SH2B2: variants seen among roughly 807,000 people sequenced by gnomAD.
SH2B2 encodes the protein SH2B adapter protein 2.
A neutral mutation model predicts 35.7 loss-of-function variants in SH2B2; 37 were observed. The ratio of observed to expected loss-of-function variants is 1.04; its 90% confidence interval spans 0.80 to 1.36. The LOEUF (loss-of-function observed/expected upper bound fraction) is 1.36, where lower values mean the gene tolerates loss of function less well. Among genes scored for constraint, SH2B2 ranks in the 40% most tolerant of loss-of-function variants. The pLI is 0.00. For missense variants in SH2B2, 852 were observed against 817.7 expected, an observed-to-expected ratio of 1.04 and a Z score of -0.51; for synonymous variants, 383 against 376.4, an observed-to-expected ratio of 1.02 and a Z score of -0.20.
Position 102,321,486 on chromosome 7 carries a change from C to A in SH2B2, c.1755C>A (p.Pro585=). ...CGTCGGGGCCCGCCCCCCCGCGCCC[C>A]GTCGAGGGCCAGCTCAGCGCGCGGA... The part of the protein sequence containing the change: ...SAASGPAPPR[P]VEGQLSARSR... Residue 585 remains proline, a synonymous_variant, in exon 9 of 9, where the codon CCC becomes CCA. Transcript: ENST00000444095. 3 of 1,174,864 alleles carry A rather than the reference C, an allele frequency of 2.6e-6. No homozygotes were observed. The highest frequency in any genetic ancestry group is 3.4e-5 in the South Asian group (1 of 29,498). 72.8% of individuals were successfully genotyped at this position (1,174,864 alleles called of 1,614,324 possible).
At chr7:102,313,153 A>C in intron 4 of SH2B2, among the ~76,000 whole-genome samples, 1 of 137,042 alleles carries the variant, frequency 7.3e-6, no homozygotes, top group Non-Finnish European at 1.6e-5. Flanking sequence ...AAAAAAAAAG[A>C]CGTGTTCTTG....
At chr7:102,319,878 G>A (rs782547005) in intron 7 of SH2B2, among the ~76,000 whole-genome samples, 13 of 151,676 alleles carry the variant, frequency 8.6e-5, no homozygotes, top group South Asian at 2.1e-4. Context: ...CCATGCCTCC[G>A]GGTTTTGGCT....
chr7:102,312,653 T>G (rs1793670480), intron 4 of SH2B2, among the ~76,000 whole-genome samples: 1 of 152,194 alleles, frequency 6.6e-6, no homozygotes, highest in African/African-American at 2.4e-5. Context: ...TTTTCTTTCT[T>G]TCTTGCTTTC....
intron 1 of SH2B2, among the ~76,000 whole-genome samples, chr7:102,300,129 T>C (rs1586576833): frequency 6.6e-6 from 1 of 152,166 alleles, no homozygotes; most frequent in East Asian, 1.9e-4. Context: ...GCTCAAGCAG[T>C]TCTCCTGCCT....
intron 1 of SH2B2, among the ~76,000 whole-genome samples, chr7:102,288,205 C>T (rs530880279): frequency 6.6e-6 from 1 of 152,202 alleles, no homozygotes; most frequent in South Asian, 2.1e-4. Flanking sequence ...TACTGTGTCC[C>T]ACCTTGAACT....
At chr7:102,288,238 C>T (rs1258536137) in intron 1 of SH2B2, among the ~76,000 whole-genome samples, 4 of 152,042 alleles carry the variant, frequency 2.6e-5, no homozygotes, top group Non-Finnish European at 4.4e-5. Flanking sequence ...TCCCTCCTGG[C>T]CTCCCCACTC....
intron 7 of SH2B2, among the ~76,000 whole-genome samples, chr7:102,317,747 G>T (rs1467905197): frequency 6.6e-6 from 1 of 152,122 alleles, no homozygotes; most frequent in Non-Finnish European, 1.5e-5. Flanking sequence ...GCTTCGGAGG[G>T]TCTCCACCCA....
intron 1 of SH2B2, among the ~76,000 whole-genome samples, chr7:102,300,128 G>A (rs1793084933): frequency 6.6e-6 from 1 of 152,194 alleles, no homozygotes; most frequent in South Asian, 2.1e-4. Context: ...GGCTCAAGCA[G>A]TTCTCCTGCC....
At chr7:102,320,227 C>G in intron 7 of SH2B2, 104 bp from the exon 8 acceptor site, 1 of 975,516 alleles carries the variant, frequency 1.0e-6, no homozygotes, top group Non-Finnish European at 1.6e-6. Context: ...GACACAGCCC[C>G]ATACAGCCCC....
At chr7:102,320,203 G>C in intron 7 of SH2B2, 128 bp from the exon 8 acceptor site, 1 of 764,130 alleles carries the variant, frequency 1.3e-6, no homozygotes. Context: ...CATGTGTGAG[G>C]GGCCCCCGGC....
intron 4 of SH2B2, among the ~76,000 whole-genome samples, chr7:102,312,912 C>T (rs1272994212): frequency 6.6e-6 from 1 of 151,668 alleles, no homozygotes; most frequent in African/African-American, 2.4e-5. Context: ...GGCGGATCAC[C>T]TGAGGTTGGG....
Position 102,317,225 on chromosome 7 carries a change from G to A in SH2B2, c.1225G>A (p.Glu409Lys), listed in dbSNP as rs369220336. 43 of 1,610,758 alleles carry A rather than the reference G, an allele frequency of 2.7e-5. No homozygotes were observed. The highest frequency in any genetic ancestry group is 2.0e-4 in the African/African-American group (15 of 74,960). ...GAETDPEAEP[E>K]LELSDYPWFH... ...AGAGACGGATCCCGAGGCTGAACCCGAGCTGGAGCTATCCGACTACCCATG... is the reference window on the plus strand; with the variant it reads ...AGAGACGGATCCCGAGGCTGAACCCAAGCTGGAGCTATCCGACTACCCATG... Residue 409 changes from glutamate to lysine, a missense_variant, in exon 7 of 9, where the codon GAG becomes AAG. Glu to Lys is a moderately conservative substitution (Grantham distance 56). Transcript: ENST00000444095.
intron 7 of SH2B2, among the ~76,000 whole-genome samples, chr7:102,318,777 C>G (rs1287688045): frequency 2.0e-5 from 3 of 152,182 alleles, no homozygotes; most frequent in Non-Finnish European, 4.4e-5. Context: ...AGCACCTCCA[C>G]CAGGGACATT....
intron 2 of SH2B2, among the ~76,000 whole-genome samples, chr7:102,306,248 G>C (rs935437420): frequency 1.3e-5 from 2 of 152,060 alleles, no homozygotes; most frequent in African/African-American, 4.8e-5. Context: ...CACCACGCCT[G>C]GCTAATTTTG....
Position 102,301,229 on chromosome 7 carries a change from A to T in SH2B2, c.679A>T (p.Arg227Trp). 1 of 1,602,610 alleles carries T rather than the reference A, an allele frequency of 6.2e-7. No homozygotes were observed. The highest frequency in any genetic ancestry group is 8.5e-7 in the Non-Finnish European group (1 of 1,175,564). ...GCAGAAGTGCCGCCTGCTCCTGCGC[A>T]GGGCTGTGGCCGAGGAACGCTTCCG... ...QWQKCRLLLR[R>W]AVAEERFRLE... The change falls in exon 2 of 9, where the codon AGG becomes TGG. Residue 227 changes from arginine (R) to tryptophan (W), a missense_variant. Physicochemically the swap from Arg to Trp is moderately radical, Grantham distance 101. Coordinates refer to ENST00000444095, the MANE Select transcript of SH2B2 (RefSeq NM_001359228.2).
chr7:102,302,833 G>A (rs557857737), intron 2 of SH2B2, among the ~76,000 whole-genome samples: 103 of 150,896 alleles, frequency 6.8e-4, no homozygotes, highest in Non-Finnish European at 1.2e-3. Flanking sequence ...CAGGAGAATC[G>A]CTTGAACCCA....
intron 3 of SH2B2, among the ~76,000 whole-genome samples, chr7:102,308,343 C>T (rs1469041441): frequency 6.6e-6 from 1 of 152,244 alleles, no homozygotes; most frequent in African/African-American, 2.4e-5. Context: ...TCTTCCCCTT[C>T]AGAGGCTTCG....
intron 1 of SH2B2, among the ~76,000 whole-genome samples, chr7:102,293,421 C>T (rs1204178732): frequency 6.6e-6 from 1 of 151,418 alleles, no homozygotes; most frequent in African/African-American, 2.4e-5. Context: ...CTCGCTCCAT[C>T]CCCCAGCACC....
At chr7:102,311,136 G>C (rs1323596168) in intron 4 of SH2B2, among the ~76,000 whole-genome samples, 3 of 152,186 alleles carry the variant, frequency 2.0e-5, no homozygotes, top group African/African-American at 7.2e-5. Flanking sequence ...TGTCACCCAG[G>C]CTGGAGTACA....
Sources: allele counts gnomAD v4.1 joint callset (sites outside exome capture counted in the v4.1 genomes callset), GRCh38; gene constraint gnomAD v4.1.1; transcripts MANE v1.5; gene names NCBI Gene and HGNC (gene_info 2026-07-23, HGNC 2026-07-21).